The following COP1 variants were observed in gnomAD, a reference collection of about 807,000 sequenced individuals.
COP1 encodes COP1 E3 ubiquitin ligase, also known as E3 ubiquitin-protein ligase COP1.
A neutral mutation model predicts 101.3 loss-of-function variants in COP1; 24 were observed. The ratio of observed to expected loss-of-function variants is 0.24; its 90% confidence interval spans 0.17 to 0.33. COP1 has a LOEUF of 0.33. Ranked by LOEUF, COP1 falls within the 10% of genes least tolerant of loss-of-function variation. The probability of loss-of-function intolerance (pLI) is 1.00; values close to 1 mark genes in which losing one functional copy is unlikely to be tolerated. For missense variants in COP1, 663 were observed against 906.2 expected, an observed-to-expected ratio of 0.73 and a Z score of 3.45; for synonymous variants, 347 against 341.9, an observed-to-expected ratio of 1.01 and a Z score of -0.17.
At chr1:176,159,541 A>C (rs1414440384) in intron 5 of COP1, among the ~76,000 whole-genome samples, 1 of 152,196 alleles carries the variant, frequency 6.6e-6, no homozygotes, top group Middle Eastern at 3.2e-3. Context: ...TAGTGCTGAC[A>C]CAACTAAGAA....
chr1:176,012,451 C>A (rs1304919931), intron 15 of COP1, among the ~76,000 whole-genome samples: 1 of 152,042 alleles, frequency 6.6e-6, no homozygotes, highest in African/African-American at 2.4e-5. Flanking sequence ...ACAAAAGAGT[C>A]AAAAAGCTTA....
At position 176,043,829 on chromosome 1, in the gene COP1, T is replaced by C. The variant is rs1671042355; in HGVS notation, c.1422-11A>G. ...CTCCAACTGATACAGCTGAAAGAAA[T>C]ACAGTTAAAAGTTACTTTACATAAA... On this transcript the variant is annotated splice_polypyrimidine_tract_variant and intron_variant, in intron 12 of 19. Coordinates refer to ENST00000367669, the MANE Select transcript of COP1 (RefSeq NM_022457.7). The C allele has an allele frequency of 3.4e-6, 5 of 1,449,808 alleles. No homozygotes were observed. The South Asian group carries it at 4.7e-5, about 14-fold the overall frequency. 89.8% of individuals were successfully genotyped at this position (1,449,808 alleles called of 1,614,324 possible).
rs1020797823 is a variant in COP1 at position 176,057,760 on chromosome 1, A to G, written c.1278-11436T>C. Among the ~76,000 whole-genome samples, 401 of 151,870 alleles carry G rather than the reference A, an allele frequency of 2.6e-3. 3 individuals are homozygous for G. The highest frequency in any genetic ancestry group is 9.2e-3 in the African/African-American group (381 of 41,410). On this transcript the variant is annotated intron_variant, in intron 11 of 19. Coordinates refer to ENST00000367669, the MANE Select transcript of COP1 (RefSeq NM_022457.7). ...GCAGCCTCTGCCCGGCTGCCACCCC[A>G]TCTGGGAAGTGAGGAGCGTCTCTGC...
chr1:176,042,938 A>G (rs1670887483), intron 14 of COP1, among the ~76,000 whole-genome samples: 1 of 151,970 alleles, frequency 6.6e-6, no homozygotes, highest in Non-Finnish European at 1.5e-5. Flanking sequence ...GTGAGGCAGG[A>G]GAATCGCTTG....
chr1:176,099,976 C>A (rs774369767), intron 9 of COP1, among the ~76,000 whole-genome samples: 2 of 152,138 alleles, frequency 1.3e-5, no homozygotes, highest in Non-Finnish European at 2.9e-5. Flanking sequence ...CCAAGCCAAT[C>A]TAAAAGGCCT....
chr1:175,974,703 T>C (rs902613375), intron 18 of COP1, among the ~76,000 whole-genome samples: 1 of 152,108 alleles, frequency 6.6e-6, no homozygotes, highest in African/African-American at 2.4e-5. Context: ...AAAAACGCTT[T>C]TGATGCTATG....
intron 6 of COP1, among the ~76,000 whole-genome samples, chr1:176,142,670 A>T (rs184843084): frequency 2.6e-5 from 4 of 152,118 alleles, no homozygotes; most frequent in Non-Finnish European, 5.9e-5. Flanking sequence ...TCAAAGAAAG[A>T]AAACACAACT....
At chr1:176,048,744 T>C (rs1294696654) in intron 11 of COP1, among the ~76,000 whole-genome samples, 6 of 152,208 alleles carry the variant, frequency 3.9e-5, no homozygotes, top group African/African-American at 1.4e-4. Flanking sequence ...ACCATTCCAA[T>C]GTTGTGCCAG....
chr1:176,045,781 T>C (rs1039525031), intron 12 of COP1, among the ~76,000 whole-genome samples: 14 of 151,784 alleles, frequency 9.2e-5, no homozygotes, highest in Non-Finnish European at 2.1e-4. Context: ...GTAAAAAAAA[T>C]TCTTAAAACT....
intron 18 of COP1, among the ~76,000 whole-genome samples, chr1:175,978,697 A>AG (rs1161320759): frequency 6.6e-6 from 1 of 152,164 alleles, no homozygotes; most frequent in African/African-American, 2.4e-5. Flanking sequence ...TCTTCCAGTC[A>AG]GGGAAATTTT....
chr1:176,163,779 AATTT>A, intron 4 of COP1, 32 bp downstream of exon 4: 1 of 1,292,894 alleles, frequency 7.7e-7, no homozygotes, highest in Non-Finnish European at 1.1e-6. Context: ...AACAAAATGA[AATTT>A]ATTAAAAATA....
chr1:175,993,508 C>A (rs561344519), intron 15 of COP1, among the ~76,000 whole-genome samples: 39 of 152,104 alleles, frequency 2.6e-4, no homozygotes, highest in East Asian at 2.5e-3. Flanking sequence ...AAAATTTAGA[C>A]GAATGTATAA....
At position 175,944,874 on chromosome 1, in the gene COP1, C is replaced by A; in HGVS notation, c.*279G>T. 1 of 394,814 alleles carries A rather than the reference C, an allele frequency of 2.5e-6. No individual in the cohort carries two copies. The highest frequency in any genetic ancestry group is 6.8e-5 in the South Asian group (1 of 14,656). The allele number at this position is 394,814 out of a possible 1,614,324, so 24.5% of individuals were successfully genotyped here. A position where few individuals can be genotyped will look rare whatever the true frequency, so the allele number is the denominator to read the frequency against. ...TATTGTTTTGTTATTTATTTTTATT[C>A]AAAAGAATTTGTTTCCCTATCACAA... On this transcript the variant is annotated 3_prime_UTR_variant, in exon 20 of 20. Coordinates refer to ENST00000367669, the MANE Select transcript of COP1 (RefSeq NM_022457.7).
intron 15 of COP1, among the ~76,000 whole-genome samples, chr1:176,011,846 G>A (rs1664729677): frequency 6.6e-6 from 1 of 152,076 alleles, no homozygotes; most frequent in East Asian, 1.9e-4. Context: ...CTAAGTTTTT[G>A]GTCATTCTGG....
At chr1:176,004,574 T>G (rs1219405485) in intron 15 of COP1, among the ~76,000 whole-genome samples, 1 of 152,160 alleles carries the variant, frequency 6.6e-6, no homozygotes, top group Non-Finnish European at 1.5e-5. Context: ...GTTGTTGCAT[T>G]TTGTTGAAGG....
At chr1:176,070,254 T>TA (rs1398489336) in intron 11 of COP1, among the ~76,000 whole-genome samples, 3 of 151,998 alleles carry the variant, frequency 2.0e-5, no homozygotes, top group Non-Finnish European at 4.4e-5. Flanking sequence ...TTCTTATACA[T>TA]TCTTAAATAC....
At chr1:176,078,904 T>TAAA (rs1553253662) in intron 11 of COP1, among the ~76,000 whole-genome samples, 17 of 152,204 alleles carry the variant, frequency 1.1e-4, no homozygotes, top group Non-Finnish European at 2.2e-4. Context: ...TCAGCATCAC[T>TAAA]AATCATCAGA....
chr1:175,979,008 T>G (rs947205648), intron 18 of COP1, among the ~76,000 whole-genome samples: 2 of 152,156 alleles, frequency 1.3e-5, no homozygotes, highest in African/African-American at 4.8e-5. Context: ...CATTAGGTAT[T>G]CATAATTATA....
chr1:176,072,053 A>G (rs1489514345), intron 11 of COP1, among the ~76,000 whole-genome samples: 1 of 152,198 alleles, frequency 6.6e-6, no homozygotes, highest in Non-Finnish European at 1.5e-5. Context: ...TTTAACCTTT[A>G]TTTTGAATCA....
Sources: gnomAD v4.1 joint callset for allele counts (sites outside exome capture counted in the v4.1 genomes callset) on GRCh38, gnomAD v4.1.1 for gene constraint, MANE v1.5 for transcripts, NCBI Gene and HGNC (gene_info 2026-07-23, HGNC 2026-07-21) for gene names.